Variants in LNPEP observed in about 807,000 individuals in gnomAD.
The protein encoded by LNPEP is leucyl and cystinyl aminopeptidase, also known as leucyl-cystinyl aminopeptidase.
LNPEP carries 64 observed loss-of-function variants against 120.6 expected under a neutral mutation model. That is an observed-to-expected ratio of 0.53 (90% CI 0.43 to 0.65). The LOEUF is 0.65. Ranked by LOEUF, LNPEP falls within the 30% of genes least tolerant of loss-of-function variation. The probability of loss-of-function intolerance (pLI) is 0.00; values close to 1 mark genes in which losing one functional copy is unlikely to be tolerated. For missense variants in LNPEP, 1,057 were observed against 1,200.0 expected, an observed-to-expected ratio of 0.88 and a Z score of 1.76; for synonymous variants, 435 against 425.4, an observed-to-expected ratio of 1.02 and a Z score of -0.28.
chr5:96,977,295 G>A (rs1328298826), intron 1 of LNPEP, among the ~76,000 whole-genome samples: 2 of 151,916 alleles, frequency 1.3e-5, no homozygotes, highest in African/African-American at 4.8e-5. Context: ...CTGAGGTACG[G>A]AATACCAGGT....
chr5:97,017,207 T>G (rs1791087609), intron 13 of LNPEP, among the ~76,000 whole-genome samples: 2 of 152,168 alleles, frequency 1.3e-5, no homozygotes, highest in Admixed American at 6.6e-5. Context: ...CAATTTTGAC[T>G]TGAATTTACA....
chr5:96,989,358 T>A (rs1457993025), intron 4 of LNPEP, among the ~76,000 whole-genome samples: 3 of 23,298 alleles, frequency 1.3e-4, no homozygotes, highest in South Asian at 2.5e-3. Flanking sequence ...ATATTATATA[T>A]TATATATAAT....
At chr5:97,020,148 C>T (rs1021840615) in intron 13 of LNPEP, among the ~76,000 whole-genome samples, 4 of 152,132 alleles carry the variant, frequency 2.6e-5, no homozygotes, top group South Asian at 4.1e-4. Context: ...TATTCAACTC[C>T]ACAAGATGCT....
chr5:96,974,527 T>G (rs1046815223), intron 1 of LNPEP, among the ~76,000 whole-genome samples: 1 of 152,124 alleles, frequency 6.6e-6, no homozygotes, highest in Non-Finnish European at 1.5e-5. Context: ...CCCAAGTTGT[T>G]CCCATCTTAA....
chr5:96,985,258 G>T (rs1790214302), intron 3 of LNPEP, 40 bp downstream of exon 3: 2 of 1,547,720 alleles, frequency 1.3e-6, no homozygotes, highest in Admixed American at 3.8e-5. Context: ...CTTTGAATGG[G>T]TCTCTTTCTT....
At chr5:96,978,910 T>C (rs1790060438) in intron 1 of LNPEP, among the ~76,000 whole-genome samples, 1 of 152,210 alleles carries the variant, frequency 6.6e-6, no homozygotes, top group Non-Finnish European at 1.5e-5. Context: ...TTTATTTAGC[T>C]TTCTTGTTTC....
chr5:97,014,294 T>C (rs1019778477), intron 12 of LNPEP, among the ~76,000 whole-genome samples: 2 of 152,144 alleles, frequency 1.3e-5, no homozygotes, highest in Non-Finnish European at 2.9e-5. Context: ...GACAGTGACC[T>C]CATGTAAACA....
chr5:96,956,440 C>T (rs1354912930), intron 1 of LNPEP, among the ~76,000 whole-genome samples: 2 of 152,192 alleles, frequency 1.3e-5, no homozygotes, highest in Non-Finnish European at 1.5e-5. Flanking sequence ...ATCACTTGAG[C>T]CCTGGAGGCG....
At chr5:97,016,374 G>T (rs1212792919) in intron 13 of LNPEP, among the ~76,000 whole-genome samples, 1 of 152,090 alleles carries the variant, frequency 6.6e-6, no homozygotes, top group Non-Finnish European at 1.5e-5. Flanking sequence ...CGTGCTTAGT[G>T]CTTAATGTAG....
intron 11 of LNPEP, among the ~76,000 whole-genome samples, chr5:97,009,670 G>A (rs1048795219): frequency 1.5e-5 from 2 of 129,854 alleles, no homozygotes; most frequent in African/African-American, 2.9e-5. Context: ...CTTCTCAACT[G>A]TGTTATTTCC....
chr5:97,018,827 ATGCTGCATTTTGTG>A, intron 13 of LNPEP, among the ~76,000 whole-genome samples: 1 of 152,362 alleles, frequency 6.6e-6, no homozygotes, highest in East Asian at 1.9e-4. Flanking sequence ...CACATGACAT[ATGCTGCATTTTGTG>A]ATGCTGTAGT....
rs761053083 is a variant in LNPEP at position 96,979,611 on chromosome 5, C to A, written c.493C>A (p.Gln165Lys). 5 of 1,614,078 alleles carry A rather than the reference C, an allele frequency of 3.1e-6. No homozygotes were observed. The highest frequency in any genetic ancestry group is 4.2e-6 in the Non-Finnish European group (5 of 1,179,984). Residue 165 changes from glutamine (Q) to lysine (K), a missense_variant, in exon 2 of 18, where the codon CAG becomes AAG. Physicochemically the swap from Gln to Lys is moderately conservative, Grantham distance 53. Transcript: ENST00000231368. The stretch of plus-strand genomic sequence containing the variant: ...AAATGGGAAATTGTTTCCATGGGCA[C>A]AGATCAGGCTTCCCACTGCCGTTGT... The part of the protein sequence containing the change: ...ATNGKLFPWA[Q>K]IRLPTAVVPL...
intron 4 of LNPEP, among the ~76,000 whole-genome samples, chr5:96,988,339 C>CTTTTTT (rs201343272): frequency 8.0e-5 from 10 of 125,230 alleles, no homozygotes; most frequent in South Asian, 5.0e-4. Context: ...TTTTTCTTTT[C>CTTTTTT]TTTTTTTTTT....
At chr5:97,020,885 A>G (rs1791178052) in intron 13 of LNPEP, among the ~76,000 whole-genome samples, 1 of 152,206 alleles carries the variant, frequency 6.6e-6, no homozygotes, top group Admixed American at 6.5e-5. Context: ...AGCATATTGC[A>G]TATGATGCTT....
chr5:96,993,208 A>C, intron 5 of LNPEP, 73 bp downstream of exon 5: 1 of 1,159,894 alleles, frequency 8.6e-7, no homozygotes, highest in Non-Finnish European at 1.2e-6. Context: ...TTTTTTAGAA[A>C]GAGGTTCTGC....
At chr5:97,005,952 G>A (rs967492513) in intron 9 of LNPEP, 121 bp from the exon 10 acceptor site, 5 of 244,832 alleles carry the variant, frequency 2.0e-5, no homozygotes, top group African/African-American at 9.2e-5. Context: ...AACATTAAAT[G>A]TAGTCTTTAT....
chr5:96,986,502 T>A, intron 3 of LNPEP, 37 bp from the exon 4 acceptor site: 1 of 1,588,698 alleles, frequency 6.3e-7, no homozygotes, highest in Non-Finnish European at 8.6e-7. Flanking sequence ...CATTTATTCC[T>A]ATAGTTACAG....
At position 97,030,452 on chromosome 5, in the gene LNPEP, A is replaced by G. The variant is rs1791444677; in HGVS notation, c.*1919A>G. The G allele has an allele frequency of 6.6e-6, 1 of 152,150 alleles. No individual in the cohort carries two copies. The highest frequency in any genetic ancestry group is 1.5e-5 in the Non-Finnish European group (1 of 68,016). The allele number at this position is 152,150 out of a possible 1,614,324, so 9.4% of individuals were successfully genotyped here. A position where few individuals can be genotyped will look rare whatever the true frequency, so the allele number is the denominator to read the frequency against. ...GCTGGTTTTTTACCATGTGGTACTA[A>G]ATTCCACTTTGATACAAAATTTAAA... On this transcript the variant is annotated 3_prime_UTR_variant, in exon 18 of 18. Coordinates refer to ENST00000231368, the MANE Select transcript of LNPEP (RefSeq NM_005575.3).
Position 97,033,387 on chromosome 5 carries a change from G to T in LNPEP, c.*4854G>T, listed in dbSNP as rs1791508204. The T allele has an allele frequency of 1.3e-5, 2 of 152,074 alleles. No homozygotes were observed. Among genetic ancestry groups the T allele is most frequent in the African/African-American group, 4.8e-5 (2 of 41,418 alleles). 9.4% of individuals were successfully genotyped at this position (152,074 alleles called of 1,614,324 possible). On this transcript the variant is annotated 3_prime_UTR_variant, in exon 18 of 18. Transcript: ENST00000231368. ...ATTCATCGGGTGCCCAGACTGAAAGGTACCTAATGAACCATGGAGTTCCGG... is the reference window on the plus strand; with the variant it reads ...ATTCATCGGGTGCCCAGACTGAAAGTTACCTAATGAACCATGGAGTTCCGG...
Sources: allele counts gnomAD v4.1 joint callset (sites outside exome capture counted in the v4.1 genomes callset), GRCh38; gene constraint gnomAD v4.1.1; transcripts MANE v1.5; gene names NCBI Gene and HGNC (gene_info 2026-07-23, HGNC 2026-07-21).